NR5A2: variants seen among roughly 807,000 people sequenced by gnomAD.
NR5A2 encodes the protein CYP7A promoter-binding factor.
Under a neutral mutation model 62.7 loss-of-function variants are expected in NR5A2, and 26 were observed. The ratio of observed to expected loss-of-function variants is 0.41; its 90% CI spans 0.30 to 0.58. NR5A2 has a LOEUF of 0.58. NR5A2 is among the 20% of genes least tolerant of loss of function. The pLI is 0.22. For missense variants in NR5A2, 541 were observed against 669.1 expected (o/e 0.81, Z 2.11); for synonymous variants, 246 against 241.7 (o/e 1.02, Z -0.16).
intron 5 of NR5A2, among the ~76,000 whole-genome samples, chr1:200,061,212 C>G (rs1558114016): frequency 1.3e-5 from 2 of 150,780 alleles, no homozygotes; most frequent in East Asian, 1.9e-4. Context: ...TAACAGAAAA[C>G]CACATTATTT....
chr1:200,146,101 C>A (rs748761927), intron 7 of NR5A2, among the ~76,000 whole-genome samples: 2 of 147,546 alleles, frequency 1.4e-5, no homozygotes, highest in African/African-American at 5.4e-5. Context: ...ATATTAAAGA[C>A]TACTAAGTAC....
intron 5 of NR5A2, among the ~76,000 whole-genome samples, chr1:200,095,798 C>T (rs542780993): frequency 2.6e-4 from 40 of 152,114 alleles, no homozygotes; most frequent in Admixed American, 5.2e-4. Context: ...GTGATCTGCC[C>T]GCCTTGGCCT....
chr1:200,166,672 C>G (rs16846175), intron 7 of NR5A2, among the ~76,000 whole-genome samples: 6,486 of 152,198 alleles, frequency 0.043, 316 homozygotes, highest in East Asian at 0.25. Flanking sequence ...CAGATTCCTG[C>G]TCCGCCCGAG....
chr1:200,085,032 C>T (rs375714996), intron 5 of NR5A2, among the ~76,000 whole-genome samples: 14 of 152,096 alleles, frequency 9.2e-5, no homozygotes, highest in East Asian at 1.9e-4. Flanking sequence ...CAGAAGTATC[C>T]GGGGCTCTAC....
At chr1:200,093,428 T>C (rs1664911975) in intron 5 of NR5A2, among the ~76,000 whole-genome samples, 1 of 151,930 alleles carries the variant, frequency 6.6e-6, no homozygotes, top group Admixed American at 6.6e-5. Context: ...ATTCTAGAAA[T>C]GAGGTAGAAA....
At chr1:200,100,411 T>A (rs1665312248) in intron 5 of NR5A2, among the ~76,000 whole-genome samples, 1 of 152,226 alleles carries the variant, frequency 6.6e-6, no homozygotes. Flanking sequence ...TGTTAAGTTT[T>A]AGTTCTTTGC....
intron 7 of NR5A2, among the ~76,000 whole-genome samples, chr1:200,145,537 A>C (rs1191479883): frequency 6.6e-6 from 1 of 151,896 alleles, no homozygotes; most frequent in Non-Finnish European, 1.5e-5. Flanking sequence ...CTCAACATTT[A>C]AAATCAAGAG....
Position 200,162,047 on chromosome 1 carries a change from A to G in NR5A2, c.1379-11916A>G, listed in dbSNP as rs183615356. On this transcript the variant is annotated intron_variant, in intron 7 of 7. Coordinates refer to ENST00000367362, the MANE Select transcript of NR5A2 (RefSeq NM_205860.3). ...AGATGCAATTGCAAATATGTGGAAG[A>G]TGTTCCACAGACAAGCAAGCAAGAA... 2.3e-3 allele frequency among the ~76,000 whole-genome samples: 357 copies of G among 152,338 alleles called. 1 individual carries two copies. The highest frequency in any genetic ancestry group is 2.4e-3 in the Non-Finnish European group (160 of 68,026).
chr1:200,118,932 CA>C (rs904677052), intron 6 of NR5A2, among the ~76,000 whole-genome samples: 1 of 152,224 alleles, frequency 6.6e-6, no homozygotes, highest in Admixed American at 6.5e-5. Context: ...ACAGAAACCA[CA>C]GGAGTTCTTA....
chr1:200,151,026 C>T (rs1485448750), intron 7 of NR5A2, among the ~76,000 whole-genome samples: 1 of 152,148 alleles, frequency 6.6e-6, no homozygotes, highest in Non-Finnish European at 1.5e-5. Context: ...TTGCTGTTCT[C>T]AGAAATGACC....
rs996813802 is a variant in NR5A2 at position 200,027,790 on chromosome 1, T to C, written c.-58T>C. The C allele has an allele frequency of 3.7e-6, 5 of 1,346,184 alleles. No homozygotes were observed. Among genetic ancestry groups the C allele is most frequent in the Non-Finnish European group, 5.2e-6 (5 of 957,518 alleles). 83.4% of individuals were successfully genotyped at this position (1,346,184 alleles called of 1,614,324 possible). A position where few individuals can be genotyped will look rare whatever the true frequency, so the allele number is the denominator to read the frequency against. ...CCACGAAATTTGACAAGCTGCACTT[T>C]TCTTTTGCTCAATGATTTCTGCTTT... is the stretch of plus-strand genomic sequence containing the variant. On this transcript the variant is annotated 5_prime_UTR_variant, in exon 1 of 8. Transcript: ENST00000367362.
At chr1:200,161,369 A>G (rs1571576159) in intron 7 of NR5A2, among the ~76,000 whole-genome samples, 1 of 152,264 alleles carries the variant, frequency 6.6e-6, no homozygotes, top group East Asian at 1.9e-4. Context: ...CTATCATCTG[A>G]TATGCAGAAG....
At chr1:200,052,690 G>A (rs999763842) in intron 5 of NR5A2, among the ~76,000 whole-genome samples, 16 of 151,342 alleles carry the variant, frequency 1.1e-4, no homozygotes, top group Admixed American at 6.6e-5. Context: ...CGCCCAGGTT[G>A]GAGTGCAGTG....
chr1:200,070,756 TC>T (rs904556060), intron 5 of NR5A2, among the ~76,000 whole-genome samples: 1 of 123,830 alleles, frequency 8.1e-6, no homozygotes. Flanking sequence ...CCCAGCCCCA[TC>T]CCCCCCACCA....
chr1:200,127,695 AAAAAAAAAAAAAAAAT>A (rs1166066003), intron 7 of NR5A2, among the ~76,000 whole-genome samples: 3 of 78,794 alleles, frequency 3.8e-5, no homozygotes, highest in East Asian at 1.0e-3. Context: ...AAAAAAAAAA[AAAAAAAAAAAAAAAAT>A]ATATATATAT....
chr1:200,135,942 C>T (rs144759602), intron 7 of NR5A2, among the ~76,000 whole-genome samples: 535 of 152,288 alleles, frequency 3.5e-3, no homozygotes, highest in Middle Eastern at 0.031. Flanking sequence ...ATAACTGATA[C>T]ATTAATTCAG....
intron 7 of NR5A2, among the ~76,000 whole-genome samples, chr1:200,135,864 A>T (rs2816955): frequency 0.51 from 78,020 of 152,104 alleles, 20,249 homozygotes; most frequent in East Asian, 0.69. Context: ...GCTTATCGGG[A>T]AATGCCTCTT....
At position 200,095,709 on chromosome 1, in the gene NR5A2, T is replaced by C. The variant is rs187323412; in HGVS notation, c.1111-15493T>C. Among the ~76,000 whole-genome samples the C allele has an allele frequency of 4.5e-3, 459 of 101,354 alleles. 8 individuals carry two copies. The highest frequency in any genetic ancestry group is 0.04 in the Admixed American group (410 of 10,298). 66.5% of individuals were successfully genotyped at this position (101,354 alleles called of 152,430 possible). A position where few individuals can be genotyped will look rare whatever the true frequency, so the allele number is the denominator to read the frequency against. On this transcript the variant is annotated intron_variant, in intron 5 of 7. Coordinates refer to ENST00000367362, the MANE Select transcript of NR5A2 (RefSeq NM_205860.3). The stretch of plus-strand genomic sequence containing the variant: ...CTGGGACTACAGGCACCCGCCACCA[T>C]GCCCAGCTAATTTTTTGTATTTTTA...
chr1:200,058,407 G>T (rs1290508530), intron 5 of NR5A2: 1 of 152,100 alleles, frequency 6.6e-6, no homozygotes, highest in East Asian at 1.9e-4. Context: ...TAAAGGACTT[G>T]TATTATTTTT....
Sources: allele counts gnomAD v4.1 joint callset (sites outside exome capture counted in the v4.1 genomes callset), GRCh38; gene constraint gnomAD v4.1.1; transcripts MANE v1.5; gene names NCBI Gene and HGNC (gene_info 2026-07-23, HGNC 2026-07-21).